The following ENPP2 variants were observed in gnomAD, a reference collection of about 807,000 sequenced individuals.
The protein encoded by ENPP2 is autotaxin.
A neutral mutation model predicts 120.2 loss-of-function variants in ENPP2; 51 were observed. The ratio of observed to expected loss-of-function variants is 0.42; its 90% CI spans 0.34 to 0.54. The LOEUF is 0.54. Ranked by LOEUF, ENPP2 falls within the 20% of genes least tolerant of loss-of-function variation. ENPP2 has a pLI of 0.04. For synonymous variants in ENPP2, 365 were observed against 366.4 expected (o/e 1.00, Z 0.04); for missense variants, 920 against 1,066.5 (o/e 0.86, Z 1.91).
intron 1 of ENPP2, among the ~76,000 whole-genome samples, chr8:119,671,948 A>G (rs1296977632): frequency 1.3e-5 from 2 of 152,202 alleles, no homozygotes; most frequent in Admixed American, 1.3e-4. Context: ...GACAGAGTCA[A>G]AAAGAGAAAG....
rs1403320431 is a variant in ENPP2 at position 119,595,951 on chromosome 8, C to A, written c.973-2091G>T. On this transcript the variant is annotated intron_variant, in intron 11 of 24. Transcript: ENST00000075322. ...CTTTCCTGTCTCCTCTTAGGGGCAA[C>A]TTTCCTCTTAGGTCTCTTAGCCGGA... 27 of 1,613,898 alleles carry A rather than the reference C, an allele frequency of 1.7e-5. No homozygotes were observed. In the Admixed American group the frequency reaches 4.2e-4, roughly 25 times the overall value.
At chr8:119,634,284 T>C (rs532524063) in intron 2 of ENPP2, among the ~76,000 whole-genome samples, 1 of 152,244 alleles carries the variant, frequency 6.6e-6, no homozygotes, top group Non-Finnish European at 1.5e-5. Flanking sequence ...AAAAGATTTC[T>C]ACGTAATTGA....
rs1263028275 is a variant in ENPP2 at position 119,668,399 on chromosome 8, T to TTTTTTCTTTTTC, written c.21+4841_21+4852dup. Among the ~76,000 whole-genome samples the TTTTTTCTTTTTC allele has an allele frequency of 8.5e-4, 128 of 150,092 alleles. 1 individual carries two copies. Among genetic ancestry groups the TTTTTTCTTTTTC allele is most frequent in the African/African-American group, 3.0e-3 (122 of 40,116 alleles). On this transcript the variant is annotated intron_variant, in intron 1 of 25. Coordinates refer to the ENPP2 transcript ENST00000427067. ...TATCATGTCTCATGTTCTATACTTT[T>TTTTTTCTTTTTC]TTTTTCTTTTTCTTTTTCTTTTTCT...
chr8:119,628,417 A>G (rs1172507020), intron 2 of ENPP2, among the ~76,000 whole-genome samples: 1 of 152,198 alleles, frequency 6.6e-6, no homozygotes, highest in Admixed American at 6.5e-5. Context: ...TATTTGCAAA[A>G]GTTTGCCAAG....
intron 11 of ENPP2, among the ~76,000 whole-genome samples, chr8:119,596,711 T>C (rs1813918343): frequency 6.6e-6 from 1 of 152,142 alleles, no homozygotes; most frequent in South Asian, 2.1e-4. Context: ...TTAGGTAAAA[T>C]CTAAAAAGTC....
At chr8:119,669,976 C>T (rs1818192701) in intron 1 of ENPP2, among the ~76,000 whole-genome samples, 1 of 152,202 alleles carries the variant, frequency 6.6e-6, no homozygotes, top group African/African-American at 2.4e-5. Flanking sequence ...CTTGCTTGCC[C>T]ACTGGCCCAT....
chr8:119,616,110 A>G (rs1815438153), intron 8 of ENPP2, 155 bp downstream of exon 8: 10 of 573,116 alleles, frequency 1.7e-5, no homozygotes, highest in African/African-American at 1.3e-4. Context: ...CACATATTTC[A>G]TGTTTGTATG....
chr8:119,635,103 A>G (rs914600343), intron 2 of ENPP2, among the ~76,000 whole-genome samples: 4 of 152,190 alleles, frequency 2.6e-5, no homozygotes, highest in African/African-American at 9.7e-5. Context: ...CCAACATTTA[A>G]ATAGCTTTTC....
At chr8:119,644,998 G>A (rs1475519595) in intron 1 of ENPP2, among the ~76,000 whole-genome samples, 8 of 151,940 alleles carry the variant, frequency 5.3e-5, no homozygotes, top group Admixed American at 6.6e-5. Flanking sequence ...TGAGTGACAG[G>A]ATAATTAGGA....
At chr8:119,576,857 A>G (rs190960377) in intron 19 of ENPP2, among the ~76,000 whole-genome samples, 30 of 152,336 alleles carry the variant, frequency 2.0e-4, no homozygotes, top group Admixed American at 1.4e-3. Flanking sequence ...ATCTAGAAAT[A>G]TTAAAGTTTA....
intron 15 of ENPP2, 75 bp downstream of exon 15, chr8:119,586,111 G>A (rs7341607): frequency 0.015 from 21,421 of 1,472,074 alleles, 538 homozygotes; most frequent in African/African-American, 0.11. Flanking sequence ...GATGACTAAG[G>A]ATGATAAAAT....
intron 9 of ENPP2, 49 bp from the exon 10 acceptor site, chr8:119,601,511 A>G (rs181571670): frequency 7.0e-7 from 1 of 1,430,000 alleles, no homozygotes; most frequent in African/African-American, 1.4e-5. Flanking sequence ...CATTTCCGCA[A>G]ACTCAAGCCT....
At chr8:119,592,177 T>A (rs116196988) in intron 12 of ENPP2, among the ~76,000 whole-genome samples, 5 of 152,140 alleles carry the variant, frequency 3.3e-5, no homozygotes, top group African/African-American at 1.2e-4. Flanking sequence ...CCAAAGACCA[T>A]GCCCTAAAAC....
At position 119,583,039 on chromosome 8, in the gene ENPP2, C is replaced by G. The variant is rs549059773; in HGVS notation, c.1544-437G>C. On this transcript the variant is annotated intron_variant, in intron 17 of 24. Coordinates refer to ENST00000075322, the MANE Select transcript of ENPP2 (RefSeq NM_001040092.3). ...AGAAGTCTGCCCTCTAATGACTCCA[C>G]AGAAGTGTGGGGACATGAGGAGGCT... 2.0e-5 allele frequency among the ~76,000 whole-genome samples: 3 copies of G among 152,278 alleles called. No individual in the cohort carries two copies. In the South Asian group the frequency reaches 6.2e-4, roughly 32 times the overall value.
intron 1 of ENPP2, among the ~76,000 whole-genome samples, chr8:119,659,334 A>AAAAACAAAAAAAC (rs58435393): frequency 1.5e-5 from 2 of 130,740 alleles, no homozygotes; most frequent in African/African-American, 2.7e-5. Flanking sequence ...AAAAAAAAAA[A>AAAAACAAAAAAAC]AAACCAGAGT....
At chr8:119,610,159 T>TA (rs1451543834) in intron 8 of ENPP2, among the ~76,000 whole-genome samples, 1 of 152,006 alleles carries the variant, frequency 6.6e-6, no homozygotes, top group Non-Finnish European at 1.5e-5. Flanking sequence ...ACAATCAACT[T>TA]ACTTGTAATC....
At chr8:119,648,226 A>G (rs1817528653) in intron 1 of ENPP2, among the ~76,000 whole-genome samples, 1 of 152,172 alleles carries the variant, frequency 6.6e-6, no homozygotes, top group Non-Finnish European at 1.5e-5. Context: ...CCATTACTCT[A>G]TATATAAGAG....
intron 4 of ENPP2, among the ~76,000 whole-genome samples, chr8:119,620,162 G>A (rs947629206): frequency 4.6e-5 from 7 of 152,120 alleles, no homozygotes; most frequent in Admixed American, 3.9e-4. Flanking sequence ...GAGCACACAC[G>A]TGGGCCTCAC....
At chr8:119,600,316 G>A (rs990348649) in intron 11 of ENPP2, among the ~76,000 whole-genome samples, 3 of 152,084 alleles carry the variant, frequency 2.0e-5, no homozygotes, top group Admixed American at 2.0e-4. Flanking sequence ...GTTTTGCATT[G>A]CAGGTTTCAT....
Sources: gnomAD v4.1 joint callset for allele counts (sites outside exome capture counted in the v4.1 genomes callset) on GRCh38, gnomAD v4.1.1 for gene constraint, MANE v1.5 for transcripts, NCBI Gene and HGNC (gene_info 2026-07-23, HGNC 2026-07-21) for gene names.